The following TBC1D13 variants were observed in gnomAD, a reference collection of about 807,000 sequenced individuals.
The protein encoded by TBC1D13 is TBC1 domain family member 13.
In TBC1D13, 40 loss-of-function variants were observed where a neutral mutation model predicts 53.6. The observed-to-expected ratio is 0.75, with a 90% confidence interval of 0.58 to 0.97. The LOEUF is 0.97. TBC1D13 is among the 50% of genes least tolerant of loss of function. The pLI is 0.00. For missense variants in TBC1D13, 377 were observed against 499.4 expected, an observed-to-expected ratio of 0.75 and a Z score of 2.34; for synonymous variants, 182 against 197.7, an observed-to-expected ratio of 0.92 and a Z score of 0.67.
Position 128,806,238 on chromosome 9 carries a change from C to G in TBC1D13, c.1080-16C>G, listed in dbSNP as rs755969662. ...AGCATCCCAGGTCCCAGCGCTTTTGCTGCTGCTTTTCATAGGCTGATCCGG... is the reference window on the plus strand; with the variant it reads ...AGCATCCCAGGTCCCAGCGCTTTTGGTGCTGCTTTTCATAGGCTGATCCGG... On this transcript the variant is annotated splice_polypyrimidine_tract_variant and intron_variant, in intron 10 of 11. Coordinates refer to ENST00000372648, the MANE Select transcript of TBC1D13 (RefSeq NM_018201.5). 5 of 1,613,330 alleles carry G rather than the reference C, an allele frequency of 3.1e-6. No individual in the cohort carries two copies. In the East Asian group the frequency reaches 8.9e-5, roughly 29 times the overall value.
Position 128,809,516 on chromosome 9 carries a change from T to A in TBC1D13, c.*1637T>A, listed in dbSNP as rs1223218710. ...GGTGGCTCTTCTACCAGGCTTTTCC[T>A]TTGATGCCGCCTGGATTTCCGCACC... is the stretch of plus-strand genomic sequence containing the variant. On this transcript the variant is annotated 3_prime_UTR_variant, in exon 12 of 12. Coordinates refer to ENST00000372648, the MANE Select transcript of TBC1D13 (RefSeq NM_018201.5). 6.6e-6 allele frequency: 1 copy of A among 152,222 alleles called. No homozygotes were observed. Among genetic ancestry groups the A allele is most frequent in the Non-Finnish European group, 1.5e-5 (1 of 68,046 alleles). The allele number at this position is 152,222 out of a possible 1,614,324, so 9.4% of individuals were successfully genotyped here.
intron 1 of TBC1D13, among the ~76,000 whole-genome samples, chr9:128,787,682 C>T (rs1490613505): frequency 7.2e-6 from 1 of 138,088 alleles, no homozygotes; most frequent in Non-Finnish European, 1.5e-5. Context: ...CCTTTTGATC[C>T]CCCTGCTCCC....
At chr9:128,788,264 A>G (rs1829464639) in intron 1 of TBC1D13, 70 bp from the exon 2 acceptor site, 3 of 1,375,298 alleles carry the variant, frequency 2.2e-6, no homozygotes, top group Non-Finnish European at 1.0e-6. Context: ...AGTGTGAGGG[A>G]GCTGAGGGCT....
rs760534632 is a variant in TBC1D13 at position 128,807,939 on chromosome 9, C to T, written c.*60C>T. On this transcript the variant is annotated 3_prime_UTR_variant, in exon 12 of 12. Transcript: ENST00000372648. ...CCTCCCGACCCTGTGCCCTGGCTCC[C>T]GGGACACATAGAAACCTGTAGGAAC... The T allele has an allele frequency of 2.6e-5, 40 of 1,546,952 alleles. No individual in the cohort carries two copies. The highest frequency in any genetic ancestry group is 3.3e-5 in the Non-Finnish European group (37 of 1,121,102).
chr9:128,791,362 C>G lies in TBC1D13; in HGVS notation c.139-18C>G. 6.2e-7 allele frequency: 1 copy of G among 1,613,804 alleles called. No homozygotes were observed. On this transcript the variant is annotated intron_variant, in intron 3 of 11. Coordinates refer to ENST00000372648, the MANE Select transcript of TBC1D13 (RefSeq NM_018201.5). The stretch of plus-strand genomic sequence containing the variant: ...TGCAGGAGGGTCACCAGAGCTTTGC[C>G]CTTCTCCCTCTGTGCAGATTCTCTT...
At chr9:128,795,737 GGCGTAA>G (rs1829618638) in intron 6 of TBC1D13, among the ~76,000 whole-genome samples, 1 of 152,066 alleles carries the variant, frequency 6.6e-6, no homozygotes, top group Non-Finnish European at 1.5e-5. Context: ...TGGGATTACA[GGCGTAA>G]GCCACCGCAC....
rs1171985218 is a variant in TBC1D13, at chr9:128,804,709, CT to C, written c.918+598del. On this transcript the variant is annotated intron_variant, in intron 9 of 11. Transcript: ENST00000372648. Reference sequence around the variant, plus strand: ...CAGGCATGAGCCACCGTGCCCAGCCCTTTTTTTTCTGTTTTTTTTTTTTTTT... The same window carrying C: ...CAGGCATGAGCCACCGTGCCCAGCCCTTTTTTTCTGTTTTTTTTTTTTTTT... Among the ~76,000 whole-genome samples, 100 of 132,138 alleles carry C rather than the reference CT, an allele frequency of 7.6e-4. 2 individuals carry two copies. Among genetic ancestry groups the C allele is most frequent in the Admixed American group, 2.2e-3 (28 of 12,596 alleles). 86.7% of individuals were successfully genotyped at this position (132,138 alleles called of 152,430 possible).
Position 128,807,904 on chromosome 9 carries a change from C to T in TBC1D13, c.*25C>T, listed in dbSNP as rs7862546. On this transcript the variant is annotated 3_prime_UTR_variant, in exon 12 of 12. Coordinates refer to ENST00000372648, the MANE Select transcript of TBC1D13 (RefSeq NM_018201.5). ...GCCCGGCGGCAAGAGGCCCATGTTCCGGAGAGAAGCCTCCCGACCCTGTGC... is the reference window on the plus strand; with the variant it reads ...GCCCGGCGGCAAGAGGCCCATGTTCTGGAGAGAAGCCTCCCGACCCTGTGC... The T allele has an allele frequency of 6.2e-7, 1 of 1,613,456 alleles. No individual in the cohort carries two copies. The highest frequency in any genetic ancestry group is 1.1e-5 in the South Asian group (1 of 91,078).
At chr9:128,789,297 C>T (rs1164926941) in intron 2 of TBC1D13, among the ~76,000 whole-genome samples, 1 of 101,088 alleles carries the variant, frequency 9.9e-6, no homozygotes, top group African/African-American at 4.0e-5. Context: ...GCCTGGGCGA[C>T]AAGAGTGAAG....
chr9:128,791,425 A>G lies in TBC1D13; in HGVS notation c.184A>G (p.Ile62Val), dbSNP rs764701448. 6.2e-7 allele frequency: 1 copy of G among 1,614,110 alleles called. No individual in the cohort carries two copies. Among genetic ancestry groups the G allele is most frequent in the Admixed American group, 1.7e-5 (1 of 60,008 alleles). Residue 62 changes from isoleucine (I) to valine (V), a missense_variant, in exon 4 of 12, where the codon ATC becomes GTC. Coordinates refer to ENST00000372648, the MANE Select transcript of TBC1D13 (RefSeq NM_018201.5). ...LPLERASWTS[I>V]LAKQRELYAQ... ...CTTGGAGAGAGCCTCATGGACCTCC[A>G]TCCTGGCCAAGCAGAGGTGAGACCC... is the stretch of plus-strand genomic sequence containing the variant.
In TBC1D13 at chr9:128,788,340, A is replaced by G. The variant is rs143567948; in HGVS notation, c.30A>G (p.Ala10=). 5 of 1,614,102 alleles carry G rather than the reference A, an allele frequency of 3.1e-6. No homozygotes were observed. The highest frequency in any genetic ancestry group is 4.2e-6 in the Non-Finnish European group (5 of 1,179,980). The change falls in exon 2 of 12, where the codon GCA becomes GCG. Residue 10 remains alanine, a synonymous_variant. Transcript: ENST00000372648. MSSLHKSRI[A]DFQDVLKEPS... The stretch of plus-strand genomic sequence containing the variant: ...GCCCTATCTCCCCTTCCAGAATTGC[A>G]GATTTCCAGGATGTCCTGAAGGAGC...
chr9:128,800,367 CTTTTT>C (rs780656078), intron 7 of TBC1D13, among the ~76,000 whole-genome samples: 1 of 106,714 alleles, frequency 9.4e-6, no homozygotes, highest in Non-Finnish European at 1.8e-5. Context: ...TATCTTCCAA[CTTTTT>C]TTTTTTTTTT....
At chr9:128,787,988 G>A (rs1178570573) in intron 1 of TBC1D13, among the ~76,000 whole-genome samples, 6 of 152,248 alleles carry the variant, frequency 3.9e-5, no homozygotes, top group African/African-American at 1.4e-4. Context: ...GCGTGGACCC[G>A]GCCTGGCCGG....
intron 4 of TBC1D13, 41 bp from the exon 5 acceptor site, chr9:128,791,553 C>T (rs1829532945): frequency 2.5e-6 from 4 of 1,611,584 alleles, no homozygotes; most frequent in East Asian, 2.2e-5. Flanking sequence ...GCTCCCTGGG[C>T]AGGACCGTTG....
At chr9:128,801,335 G>T (rs1829729351) in intron 7 of TBC1D13, among the ~76,000 whole-genome samples, 1 of 152,026 alleles carries the variant, frequency 6.6e-6, no homozygotes, top group Non-Finnish European at 1.5e-5. Flanking sequence ...TCTTGATTTG[G>T]ACTAGGCCTC....
intron 2 of TBC1D13, 105 bp from the exon 3 acceptor site, chr9:128,790,630 A>C (rs537470749): frequency 5.6e-5 from 57 of 1,016,872 alleles, no homozygotes; most frequent in Admixed American, 2.3e-4. Context: ...TTCTTGAAGA[A>C]GTACTTCTTG....
intron 10 of TBC1D13, 59 bp downstream of exon 10, chr9:128,806,078 A>G: frequency 6.3e-7 from 1 of 1,596,046 alleles, no homozygotes; most frequent in Non-Finnish European, 8.6e-7. Context: ...GAAGCCAGAC[A>G]GGAGGACCCT....
chr9:128,797,696 A>G (rs1829660757), intron 7 of TBC1D13, among the ~76,000 whole-genome samples: 1 of 151,908 alleles, frequency 6.6e-6, no homozygotes, highest in Non-Finnish European at 1.5e-5. Flanking sequence ...CCAGCTACTC[A>G]GGAGGCTGAG....
At chr9:128,799,855 A>G (rs1829700671) in intron 7 of TBC1D13, among the ~76,000 whole-genome samples, 1 of 152,150 alleles carries the variant, frequency 6.6e-6, no homozygotes, top group South Asian at 2.1e-4. Context: ...CCCCGTCTCT[A>G]CTAAAAATAC....
Sources: allele counts gnomAD v4.1 joint callset (sites outside exome capture counted in the v4.1 genomes callset), GRCh38; gene constraint gnomAD v4.1.1; transcripts MANE v1.5; gene names NCBI Gene and HGNC (gene_info 2026-07-23, HGNC 2026-07-21).